Variants in UBE2K observed in about 807,000 individuals in gnomAD.
UBE2K encodes the protein ubiquitin conjugating enzyme E2 K.
UBE2K carries 6 observed loss-of-function variants against 30.0 expected under a neutral mutation model. The observed-to-expected ratio is 0.20, with a 90% confidence interval of 0.11 to 0.39. UBE2K has a LOEUF of 0.39. Among genes scored for constraint, UBE2K ranks in the 10% least tolerant of loss-of-function variants. The pLI is 1.00. For missense variants in UBE2K, 61 were observed against 241.6 expected (o/e 0.25, Z 4.96); for synonymous variants, 86 against 83.7 (o/e 1.03, Z -0.15).
intron 3 of UBE2K, among the ~76,000 whole-genome samples, chr4:39,751,206 C>T (rs1309366647): frequency 3.3e-5 from 5 of 151,876 alleles, no homozygotes; most frequent in African/African-American, 1.2e-4. Context: ...GCTTCCCAAA[C>T]TGCTAGGATT....
intron 1 of UBE2K, among the ~76,000 whole-genome samples, chr4:39,713,272 T>C (rs1718814839): frequency 7.7e-6 from 1 of 129,046 alleles, no homozygotes; most frequent in Non-Finnish European, 1.6e-5. Context: ...AGTTTTCTCC[T>C]TCTTCTGTAG....
chr4:39,700,257 A>T (rs78260667), intron 1 of UBE2K, among the ~76,000 whole-genome samples: 2,715 of 152,276 alleles, frequency 0.018, 78 homozygotes, highest in African/African-American at 0.063. Context: ...AGTAATGCAT[A>T]TTAAAAAAAC....
chr4:39,724,167 G>C (rs73240669), intron 1 of UBE2K, among the ~76,000 whole-genome samples: 15,660 of 149,510 alleles, frequency 0.1, 1,080 homozygotes, highest in East Asian at 0.21. Flanking sequence ...GAGTACGGTG[G>C]CACAATCATG....
At position 39,703,844 on chromosome 4, in the gene UBE2K, CAAA is replaced by C. The variant is rs33995934; in HGVS notation, c.63+5471_63+5473del. Among the ~76,000 whole-genome samples the C allele has an allele frequency of 4.8e-4, 51 of 105,264 alleles. 1 individual carries two copies. Among genetic ancestry groups the C allele is most frequent in the African/African-American group, 1.2e-3 (40 of 33,342 alleles). 69.1% of individuals were successfully genotyped at this position (105,264 alleles called of 152,430 possible). On this transcript the variant is annotated intron_variant, in intron 1 of 6. Coordinates refer to ENST00000261427, the MANE Select transcript of UBE2K (RefSeq NM_005339.5). ...CTGGCGACAGAGCGAGACTCCATCT[CAAA>C]AAAAAAAAAAAAAAAAGAATACTTT...
chr4:39,754,633 C>T (rs28727931), intron 3 of UBE2K, among the ~76,000 whole-genome samples: 16,823 of 152,122 alleles, frequency 0.11, 1,139 homozygotes, highest in East Asian at 0.22. Flanking sequence ...CCTCAGCTCC[C>T]TAGTAGCTGG....
chr4:39,732,672 CTTT>C (rs10650873), intron 1 of UBE2K, among the ~76,000 whole-genome samples: 31 of 115,102 alleles, frequency 2.7e-4, no homozygotes, highest in African/African-American at 7.7e-4. Flanking sequence ...CTTCTTCCCT[CTTT>C]TTTTTTTTTT....
rs1371933743 is a variant in UBE2K at position 39,698,206 on chromosome 4, A to G, written c.-122A>G. On this transcript the variant is annotated 5_prime_UTR_variant, in exon 1 of 7. Transcript: ENST00000261427. ...GCGCGGCGGCCGGGGTGGTAGTGGC[A>G]GTGTTCGTGTGCTCAGGTCTGAATC... 6.5e-6 allele frequency: 6 copies of G among 924,448 alleles called. No homozygotes were observed. The highest frequency in any genetic ancestry group is 2.0e-5 in the Admixed American group (1 of 50,046). The allele number at this position is 924,448 out of a possible 1,614,324, so 57.3% of individuals were successfully genotyped here. A position where few individuals can be genotyped will look rare whatever the true frequency, so the allele number is the denominator to read the frequency against.
chr4:39,729,609 C>G (rs1460721812), intron 1 of UBE2K, among the ~76,000 whole-genome samples: 1 of 152,142 alleles, frequency 6.6e-6, no homozygotes, highest in Non-Finnish European at 1.5e-5. Context: ...AGTATTCTCT[C>G]TAATCCCCCT....
intron 3 of UBE2K, 91 bp downstream of exon 3, chr4:39,745,901 G>A: frequency 1.0e-6 from 1 of 987,880 alleles, no homozygotes; most frequent in East Asian, 2.9e-5. Flanking sequence ...GCTTATTAAA[G>A]TCACAGCTTT....
chr4:39,716,690 G>C (rs915383111), intron 1 of UBE2K, among the ~76,000 whole-genome samples: 3 of 152,136 alleles, frequency 2.0e-5, no homozygotes, highest in Admixed American at 1.3e-4. Context: ...GTGAGACCCT[G>C]TTTCTACAGA....
rs1578414424 is a variant in UBE2K, at chr4:39,705,979, G to A, written c.63+7589G>A. Reference sequence around the variant, plus strand: ...ATACCTCAGCCTCTGGAATGGCTGGGATCCCGGGATTACAGGCATGCGCCA... The same window carrying A: ...ATACCTCAGCCTCTGGAATGGCTGGAATCCCGGGATTACAGGCATGCGCCA... On this transcript the variant is annotated intron_variant, in intron 1 of 6. Transcript: ENST00000261427. 2.7e-5 allele frequency among the ~76,000 whole-genome samples: 4 copies of A among 150,218 alleles called. No homozygotes were observed. The East Asian group carries it at 8.0e-4, about 30-fold the overall frequency.
Position 39,712,288 on chromosome 4 carries a change from G to A in UBE2K, c.63+13898G>A, listed in dbSNP as rs181970863. On this transcript the variant is annotated intron_variant, in intron 1 of 6. Coordinates refer to ENST00000261427, the MANE Select transcript of UBE2K (RefSeq NM_005339.5). The stretch of plus-strand genomic sequence containing the variant: ...AAGATCTCAGCTCACTGCAAGCTCC[G>A]CCTCCTGGGTTCATGCCATTCTCCT... Among the ~76,000 whole-genome samples the A allele has an allele frequency of 3.5e-3, 446 of 126,826 alleles. 3 individuals carry two copies. The highest frequency in any genetic ancestry group is 0.013 in the African/African-American group (423 of 33,094). The allele number at this position is 126,826 out of a possible 152,430, so 83.2% of individuals were successfully genotyped here. A position where few individuals can be genotyped will look rare whatever the true frequency, so the allele number is the denominator to read the frequency against.
chr4:39,712,395 T>C (rs1214564032), intron 1 of UBE2K, among the ~76,000 whole-genome samples: 24 of 99,280 alleles, frequency 2.4e-4, no homozygotes, highest in Admixed American at 7.7e-4. Flanking sequence ...TTTTTTTTTT[T>C]CAGTAGAGAC....
At chr4:39,738,090 A>G (rs1235829033) in intron 2 of UBE2K, among the ~76,000 whole-genome samples, 1 of 152,198 alleles carries the variant, frequency 6.6e-6, no homozygotes, top group Non-Finnish European at 1.5e-5. Flanking sequence ...TCGGGTGGTA[A>G]GATACAGAAA....
intron 1 of UBE2K, among the ~76,000 whole-genome samples, chr4:39,718,257 A>G (rs1719214829): frequency 6.6e-6 from 1 of 152,146 alleles, no homozygotes; most frequent in Admixed American, 6.5e-5. Flanking sequence ...AAAGTTCTCC[A>G]TGTTCTCTAG....
Position 39,752,086 on chromosome 4 carries a change from C to T in UBE2K, c.217-3571C>T, listed in dbSNP as rs114082127. ...CAATAGTGTTTTAAAATTATATTTT[C>T]TAATCTTGTTGAAAATACTAAACCA... On this transcript the variant is annotated intron_variant, in intron 3 of 6. Coordinates refer to ENST00000261427, the MANE Select transcript of UBE2K (RefSeq NM_005339.5). 2.6e-3 allele frequency among the ~76,000 whole-genome samples: 389 copies of T among 152,278 alleles called. 2 individuals are homozygous for T. Among genetic ancestry groups the T allele is most frequent in the African/African-American group, 9.0e-3 (376 of 41,558 alleles).
intron 1 of UBE2K, among the ~76,000 whole-genome samples, chr4:39,705,556 A>C (rs1231765524): frequency 6.6e-6 from 1 of 152,046 alleles, no homozygotes; most frequent in African/African-American, 2.4e-5. Context: ...GAAAATATTG[A>C]CTATAGCCCC....
intron 3 of UBE2K, among the ~76,000 whole-genome samples, chr4:39,746,352 G>T (rs1720988555): frequency 6.6e-6 from 1 of 152,132 alleles, no homozygotes; most frequent in Non-Finnish European, 1.5e-5. Flanking sequence ...ATGTATAACA[G>T]GGGGACCCAA....
At chr4:39,773,185 T>C (rs1167379248) in intron 4 of UBE2K, among the ~76,000 whole-genome samples, 1 of 152,040 alleles carries the variant, frequency 6.6e-6, no homozygotes. Flanking sequence ...TTCTTGAAAA[T>C]ATGGCCGGGC....
Sources: allele counts gnomAD v4.1 joint callset (sites outside exome capture counted in the v4.1 genomes callset), GRCh38; gene constraint gnomAD v4.1.1; transcripts MANE v1.5; gene names NCBI Gene and HGNC (gene_info 2026-07-23, HGNC 2026-07-21).